SH3GL2: variants seen among roughly 807,000 people sequenced by gnomAD.
SH3GL2 encodes SH3 domain containing GRB2 like 2, endophilin A1, also known as endophilin-A1.
In SH3GL2, 24 loss-of-function variants were observed where a neutral mutation model predicts 46.0. The observed-to-expected ratio is 0.52, with a 90% CI of 0.38 to 0.73. SH3GL2 has a LOEUF of 0.73. SH3GL2 is among the 30% of genes least tolerant of loss of function. The pLI is 0.00. For synonymous variants in SH3GL2, 196 were observed against 147.1 expected (o/e 1.33, Z -2.40); for missense variants, 413 against 424.2 (o/e 0.97, Z 0.23).
chr9:17,769,906 T>A (rs908380818), intron 3 of SH3GL2, among the ~76,000 whole-genome samples: 3 of 152,226 alleles, frequency 2.0e-5, no homozygotes, highest in Non-Finnish European at 1.5e-5. Context: ...ATTGTAAACA[T>A]AGTCATTGAA....
At chr9:17,742,207 A>C (rs767159169) in intron 1 of SH3GL2, among the ~76,000 whole-genome samples, 5 of 152,198 alleles carry the variant, frequency 3.3e-5, no homozygotes, top group Non-Finnish European at 7.3e-5. Context: ...TTGGCTCTTA[A>C]GCATTTAGTA....
chr9:17,629,638 T>C (rs1266544644), intron 1 of SH3GL2, among the ~76,000 whole-genome samples: 3 of 152,210 alleles, frequency 2.0e-5, no homozygotes, highest in African/African-American at 4.8e-5. Context: ...ATACTGATTT[T>C]TGGTTATTTA....
chr9:17,697,606 A>G (rs1040789041), intron 1 of SH3GL2, among the ~76,000 whole-genome samples: 1 of 152,190 alleles, frequency 6.6e-6, no homozygotes, highest in Non-Finnish European at 1.5e-5. Flanking sequence ...AATGCAAAGC[A>G]ACATGTTTAG....
At chr9:17,592,542 G>A (rs1818503638) in intron 1 of SH3GL2, among the ~76,000 whole-genome samples, 1 of 152,208 alleles carries the variant, frequency 6.6e-6, no homozygotes, top group African/African-American at 2.4e-5. Flanking sequence ...CTGTGAGCTT[G>A]AGGTTTATTC....
Position 17,635,144 on chromosome 9 carries a change from C to T in SH3GL2, c.45+55857C>T, listed in dbSNP as rs3780239. The stretch of plus-strand genomic sequence containing the variant: ...TGGATCTTCTCCCTGCCCACACCTA[C>T]CACCCTCCTATAGGCCCCAGTGCAT... On this transcript the variant is annotated intron_variant, in intron 1 of 8. Coordinates refer to ENST00000380607, the MANE Select transcript of SH3GL2 (RefSeq NM_003026.5). 2.1e-3 allele frequency among the ~76,000 whole-genome samples: 316 copies of T among 152,258 alleles called. 5 individuals carry two copies. In the East Asian group the frequency reaches 0.043, roughly 21 times the overall value.
rs1216920901 is a variant in SH3GL2, at chr9:17,786,419, A to G, written c.226A>G (p.Lys76Glu). 1.2e-6 allele frequency: 2 copies of G among 1,613,434 alleles called. No individual in the cohort carries two copies. Among genetic ancestry groups the G allele is most frequent in the African/African-American group, 1.3e-5 (1 of 74,976 alleles). The change falls in exon 4 of 9, where the codon AAA becomes GAA. Residue 76 changes from lysine to glutamate, a missense_variant. Transcript: ENST00000380607. The stretch of plus-strand genomic sequence containing the variant: ...GCTCAGCATGATCAACACCATGTCA[A>G]AAATCCGTGGCCAGGAGAAGGGGCC... The part of the protein sequence containing the change: ...AKLSMINTMS[K>E]IRGQEKGPGY...
chr9:17,793,995 A>G (rs141970985), intron 8 of SH3GL2, among the ~76,000 whole-genome samples: 82 of 152,348 alleles, frequency 5.4e-4, no homozygotes, highest in Non-Finnish European at 9.6e-4. Flanking sequence ...ATATGGTTAA[A>G]TATATTTGTA....
chr9:17,654,376 G>C (rs183419849), intron 1 of SH3GL2, among the ~76,000 whole-genome samples: 1 of 152,110 alleles, frequency 6.6e-6, no homozygotes, highest in African/African-American at 2.4e-5. Context: ...TTGTCGTATT[G>C]TTTTGTGTGT....
At chr9:17,736,238 G>A (rs1822330635) in intron 1 of SH3GL2, among the ~76,000 whole-genome samples, 1 of 152,036 alleles carries the variant, frequency 6.6e-6, no homozygotes, top group African/African-American at 2.4e-5. Flanking sequence ...TCACTGGAAG[G>A]CTTTTTAAAT....
chr9:17,638,556 A>G (rs1038069929), intron 1 of SH3GL2, among the ~76,000 whole-genome samples: 29 of 152,198 alleles, frequency 1.9e-4, no homozygotes, highest in Non-Finnish European at 1.5e-5. Context: ...TGGTGAGAGA[A>G]TTCCCCTTTG....
At position 17,795,938 on chromosome 9, in the gene SH3GL2, G is replaced by T; in HGVS notation, c.*195G>T. 1 of 571,918 alleles carries T rather than the reference G, an allele frequency of 1.7e-6. No homozygotes were observed. The allele number at this position is 571,918 out of a possible 1,614,324, so 35.4% of individuals were successfully genotyped here. On this transcript the variant is annotated 3_prime_UTR_variant, in exon 9 of 9. Transcript: ENST00000380607. ...ATGGATGATATCCTCTTAGCCTGGTGGGCGTGGCATGTGCTTTTTAAAACA... is the reference window on the plus strand; with the variant it reads ...ATGGATGATATCCTCTTAGCCTGGTTGGCGTGGCATGTGCTTTTTAAAACA...
At chr9:17,742,139 C>T (rs992927615) in intron 1 of SH3GL2, among the ~76,000 whole-genome samples, 10 of 152,128 alleles carry the variant, frequency 6.6e-5, no homozygotes, top group African/African-American at 2.4e-4. Flanking sequence ...TATTGAATTT[C>T]ACTGATGATG....
chr9:17,690,924 T>A (rs1343982011), intron 1 of SH3GL2, among the ~76,000 whole-genome samples: 1 of 152,120 alleles, frequency 6.6e-6, no homozygotes. Context: ...GACATAGTGA[T>A]TAGCTGGAAG....
Position 17,673,147 on chromosome 9 carries a change from T to TG in SH3GL2, c.46-73919_46-73918insG, listed in dbSNP as rs577784394. 2.3e-3 allele frequency among the ~76,000 whole-genome samples: 346 copies of TG among 152,036 alleles called. 1 individual carries two copies. The highest frequency in any genetic ancestry group is 7.3e-3 in the African/African-American group (302 of 41,452). ...TTAGAGTCTCTCACCTTGACTTTTT[T>TG]TTTGTTTGTTTGTTTGTTTTTGAGA... On this transcript the variant is annotated intron_variant, in intron 1 of 8. Transcript: ENST00000380607.
chr9:17,701,080 G>A (rs750664104), intron 1 of SH3GL2, among the ~76,000 whole-genome samples: 2 of 152,088 alleles, frequency 1.3e-5, no homozygotes, highest in African/African-American at 4.8e-5. Context: ...CATAGATTCA[G>A]CTTAAAGTGG....
intron 1 of SH3GL2, among the ~76,000 whole-genome samples, chr9:17,699,608 C>T (rs1412377993): frequency 1.3e-5 from 2 of 152,232 alleles, no homozygotes; most frequent in Non-Finnish European, 2.9e-5. Flanking sequence ...TGTGGCACCA[C>T]TATTGAGCAC....
chr9:17,719,994 T>A (rs545724979), intron 1 of SH3GL2, among the ~76,000 whole-genome samples: 3 of 152,006 alleles, frequency 2.0e-5, no homozygotes, highest in Non-Finnish European at 4.4e-5. Flanking sequence ...TCTTTATTTT[T>A]GATGTGTTGA....
chr9:17,769,812 C>G (rs1162055374), intron 3 of SH3GL2, among the ~76,000 whole-genome samples: 1 of 152,136 alleles, frequency 6.6e-6, no homozygotes, highest in Non-Finnish European at 1.5e-5. Context: ...AGAATCTTGT[C>G]TGTCTTATTT....
At chr9:17,669,802 C>G (rs1045429387) in intron 1 of SH3GL2, among the ~76,000 whole-genome samples, 40 of 151,998 alleles carry the variant, frequency 2.6e-4, no homozygotes, top group African/African-American at 9.2e-4. Flanking sequence ...GCCTTGTTTT[C>G]TGGGGTGACG....
Sources: gnomAD v4.1 joint callset for allele counts (sites outside exome capture counted in the v4.1 genomes callset) on GRCh38, gnomAD v4.1.1 for gene constraint, MANE v1.5 for transcripts, NCBI Gene and HGNC (gene_info 2026-07-23, HGNC 2026-07-21) for gene names.